The following ARHGEF10L variants were observed in gnomAD, a reference collection of about 807,000 sequenced individuals.
ARHGEF10L encodes the protein Rho guanine nucleotide exchange factor 10 like.
A neutral mutation model predicts 141.2 loss-of-function variants in ARHGEF10L; 69 were observed. The ratio of observed to expected loss-of-function variants is 0.49; its 90% CI spans 0.40 to 0.60. ARHGEF10L has a LOEUF of 0.60. ARHGEF10L is among the 20% of genes least tolerant of loss of function. The pLI is 0.00. For missense variants in ARHGEF10L, 1,482 were observed against 1,734.3 expected (o/e 0.85, Z 2.58); for synonymous variants, 711 against 718.5 (o/e 0.99, Z 0.17).
chr1:17,617,774 G>T (rs1165334998), intron 9 of ARHGEF10L, among the ~76,000 whole-genome samples: 1 of 152,144 alleles, frequency 6.6e-6, no homozygotes, highest in Non-Finnish European at 1.5e-5. Context: ...TAGGGCTGTG[G>T]TGAGGATGTC....
chr1:17,668,984 G>A (rs369317657), intron 26 of ARHGEF10L, among the ~76,000 whole-genome samples: 6 of 152,172 alleles, frequency 3.9e-5, no homozygotes, highest in East Asian at 1.9e-4. Context: ...TGGGGGAGCC[G>A]CCTGGAGCCG....
At chr1:17,696,105 T>C (rs1485819983) in intron 28 of ARHGEF10L, among the ~76,000 whole-genome samples, 1 of 150,438 alleles carries the variant, frequency 6.6e-6, no homozygotes, top group Non-Finnish European at 1.5e-5. Flanking sequence ...CCCAGTTACT[T>C]GGGAAGCTGA....
chr1:17,602,862 G>C (rs1164005128), intron 5 of ARHGEF10L, among the ~76,000 whole-genome samples: 1 of 149,498 alleles, frequency 6.7e-6, no homozygotes, highest in Non-Finnish European at 1.5e-5. Context: ...AGGAGACCAG[G>C]TGGGGAAGGG....
intron 1 of ARHGEF10L, among the ~76,000 whole-genome samples, chr1:17,572,436 A>G (rs951223701): frequency 6.6e-6 from 1 of 152,142 alleles, no homozygotes; most frequent in African/African-American, 2.4e-5. Context: ...GTTCCTGCCC[A>G]GGGCTGGGCC....
At chr1:17,638,784 T>A in intron 20 of ARHGEF10L, 95 bp downstream of exon 20, 1 of 1,546,082 alleles carries the variant, frequency 6.5e-7, no homozygotes, top group Non-Finnish European at 8.7e-7. Context: ...CCCTCTTATT[T>A]GTCGAGATGC....
At chr1:17,598,857 T>C (rs983175693) in intron 4 of ARHGEF10L, among the ~76,000 whole-genome samples, 1 of 152,066 alleles carries the variant, frequency 6.6e-6, no homozygotes, top group African/African-American at 2.4e-5. Flanking sequence ...TGTAGGTGAA[T>C]GTCTACATGC....
the ARHGEF10L span, among the ~76,000 whole-genome samples, chr1:17,513,897 T>C: frequency 6.6e-6 from 1 of 152,104 alleles, no homozygotes; most frequent in African/African-American, 2.4e-5. Context: ...CAGTCTCAGC[T>C]CACTGCAACC....
chr1:17,540,288 T>G lies in ARHGEF10L; in HGVS notation c.-44+338T>G, dbSNP rs138822927. 7.0e-3 allele frequency among the ~76,000 whole-genome samples: 938 copies of G among 133,624 alleles called. 6 individuals are homozygous for G. Among genetic ancestry groups the G allele is most frequent in the Middle Eastern group, 0.051 (14 of 274 alleles). The allele number at this position is 133,624 out of a possible 152,430, so 87.7% of individuals were successfully genotyped here. A position where few individuals can be genotyped will look rare whatever the true frequency, so the allele number is the denominator to read the frequency against. On this transcript the variant is annotated intron_variant, in intron 1 of 28. Coordinates refer to ENST00000361221, the MANE Select transcript of ARHGEF10L (RefSeq NM_018125.4). ...CCCCCACCCCCACCCTGTGCCTCAC[T>G]TTCCCCTGTGGTCCACTTCTTCCTG...
chr1:17,648,651 C>A lies in ARHGEF10L; in HGVS notation c.2370C>A (p.Phe790Leu). 1 of 1,612,840 alleles carries A rather than the reference C, an allele frequency of 6.2e-7. No individual in the cohort carries two copies. Among genetic ancestry groups the A allele is most frequent in the Non-Finnish European group, 8.5e-7 (1 of 1,180,004 alleles). The change falls in exon 22 of 29, where the codon TTC becomes TTA. Residue 790 changes from phenylalanine to leucine, a missense_variant. Physicochemically the swap from Phe to Leu is conservative, Grantham distance 22 (BLOSUM62 0). Transcript: ENST00000361221. ...TCCTGGCCTGCTGCATCCCTGCCTT[C>A]TCCTCCCGGGCACTCAGCCTGCAGG... Reference protein sequence around the residue: ...CPILACCIPAFSSRALSLQLG... With the variant: ...CPILACCIPALSSRALSLQLG...
intron 21 of ARHGEF10L, among the ~76,000 whole-genome samples, chr1:17,641,705 G>A (rs572318388): frequency 1.3e-5 from 2 of 152,026 alleles, no homozygotes; most frequent in South Asian, 2.1e-4. Context: ...TTGGCTGGGC[G>A]TGGTGGCTCG....
intron 26 of ARHGEF10L, among the ~76,000 whole-genome samples, chr1:17,682,894 G>A (rs531709376): frequency 6.6e-6 from 1 of 152,318 alleles, no homozygotes; most frequent in East Asian, 1.9e-4. Flanking sequence ...GGATTGGGGT[G>A]CTGGGTGAGC....
intron 9 of ARHGEF10L, among the ~76,000 whole-genome samples, chr1:17,617,661 C>G (rs764222031): frequency 6.6e-6 from 1 of 152,342 alleles, no homozygotes; most frequent in Admixed American, 6.5e-5. Flanking sequence ...ACACAGGCCT[C>G]GAGCCAGGCA....
chr1:17,563,044 G>A (rs978302413), intron 1 of ARHGEF10L, among the ~76,000 whole-genome samples: 3 of 152,090 alleles, frequency 2.0e-5, no homozygotes, highest in African/African-American at 7.2e-5. Context: ...TGAGGGGAGG[G>A]CTGGATGCGG....
Position 17,634,543 on chromosome 1 carries a change from C to T in ARHGEF10L, c.1731-5C>T, listed in dbSNP as rs142832607. 12 of 1,614,046 alleles carry T rather than the reference C, an allele frequency of 7.4e-6. No homozygotes were observed. Among genetic ancestry groups the T allele is most frequent in the Middle Eastern group, 1.7e-4 (1 of 6,060 alleles). On this transcript the variant is annotated splice_region_variant and splice_polypyrimidine_tract_variant and intron_variant, in intron 16 of 28. Transcript: ENST00000361221. The stretch of plus-strand genomic sequence containing the variant: ...TCTCCCTTTCCTTCTTGTCTTTTTT[C>T]CCAGGCCTGCCAACCACAGGTACGT...
intron 7 of ARHGEF10L, among the ~76,000 whole-genome samples, chr1:17,609,526 T>G (rs1313142408): frequency 1.3e-5 from 2 of 152,230 alleles, no homozygotes; most frequent in Non-Finnish European, 2.9e-5. Context: ...TAGGAGACAC[T>G]GAATGGGAAA....
chr1:17,654,220 GC>G lies in ARHGEF10L; in HGVS notation c.2395-413del, dbSNP rs576259720. Among the ~76,000 whole-genome samples the G allele has an allele frequency of 4.1e-4, 62 of 152,346 alleles. 1 individual carries two copies. The highest frequency in any genetic ancestry group is 3.4e-3 in the Middle Eastern group (1 of 294). On this transcript the variant is annotated intron_variant, in intron 22 of 28. Coordinates refer to ENST00000361221, the MANE Select transcript of ARHGEF10L (RefSeq NM_018125.4). The surrounding 1 kb of genome is among the most constrained non-coding windows in gnomAD (Gnocchi z 4.3). ...ACTGGTGACAGCGGTGACAGGCTGA[GC>G]CCTGGTTTCTGTGCGTGGCCCTCAC... is the stretch of plus-strand genomic sequence containing the variant.
chr1:17,600,980 G>A (rs900102922), intron 4 of ARHGEF10L, among the ~76,000 whole-genome samples: 2 of 149,592 alleles, frequency 1.3e-5, no homozygotes, highest in Admixed American at 6.7e-5. Flanking sequence ...AACCCGGGAG[G>A]CAGAGGTTGC....
At chr1:17,556,014 G>A (rs1434809210) in intron 1 of ARHGEF10L, among the ~76,000 whole-genome samples, 2 of 151,686 alleles carry the variant, frequency 1.3e-5, no homozygotes, top group Admixed American at 6.6e-5. Flanking sequence ...CGAGGGAGAA[G>A]CAGAGACTCC....
chr1:17,669,277 A>G (rs1015371961), intron 26 of ARHGEF10L, among the ~76,000 whole-genome samples: 1 of 152,190 alleles, frequency 6.6e-6, no homozygotes, highest in Admixed American at 6.5e-5. Flanking sequence ...GTGAAAACAC[A>G]GGGGCTTAAT....
Sources: gnomAD v4.1 joint callset for allele counts (sites outside exome capture counted in the v4.1 genomes callset) on GRCh38, gnomAD v4.1.1 for gene constraint, Gnocchi (gnomAD v3.1) non-coding constraint, MANE v1.5 for transcripts, NCBI Gene and HGNC (gene_info 2026-07-23, HGNC 2026-07-21) for gene names.